Variants in ASB11 observed in about 807,000 individuals in gnomAD.
The protein encoded by ASB11 is ankyrin repeat and SOCS box containing 11, also known as ankyrin repeat and SOCS box protein 11.
A neutral mutation model predicts 20.1 loss-of-function variants in ASB11; 17 were observed. The ratio of observed to expected loss-of-function variants is 0.85; its 90% CI spans 0.58 to 1.27. The LOEUF is 1.27. Among genes scored for constraint, ASB11 ranks in the 50% most tolerant of loss-of-function variants. The pLI is 0.00. For missense variants in ASB11, 259 were observed against 256.9 expected, an observed-to-expected ratio of 1.01 and a Z score of -0.06; for synonymous variants, 107 against 105.6, an observed-to-expected ratio of 1.01 and a Z score of -0.08.
intron 6 of ASB11, among the ~76,000 whole-genome samples, chrX:15,287,616 C>T (rs1324234737): frequency 2.7e-5 from 3 of 112,860 alleles, no homozygotes; most frequent in East Asian, 2.8e-4. Flanking sequence ...TGAGCCACCA[C>T]GCCCAGCCGG....
At chrX:15,294,602 T>A (rs1406765121) in intron 3 of ASB11, among the ~76,000 whole-genome samples, 1 of 110,876 alleles carries the variant, frequency 9.0e-6, no homozygotes, top group Non-Finnish European at 1.9e-5. Flanking sequence ...AACTCCTGGG[T>A]TCAAATGACC....
At chrX:15,296,673 G>T (rs1437438600) in intron 3 of ASB11, among the ~76,000 whole-genome samples, 1 of 111,906 alleles carries the variant, frequency 8.9e-6, no homozygotes, top group Non-Finnish European at 1.9e-5. Context: ...TGATAATTTT[G>T]CTCAATAAAA....
At chrX:15,303,877 T>C (rs1921151521) in intron 1 of ASB11, among the ~76,000 whole-genome samples, 2 of 112,468 alleles carry the variant, frequency 1.8e-5, no homozygotes, top group South Asian at 7.2e-4. Flanking sequence ...GGAACAGCCT[T>C]AGAGCCGCCT....
chrX:15,315,482 T>G lies in ASB11; in HGVS notation c.124A>C (p.Lys42Gln). 5 of 1,172,403 alleles carry G rather than the reference T, an allele frequency of 4.3e-6. No homozygotes were observed. The highest frequency in any genetic ancestry group is 5.7e-6 in the Non-Finnish European group (5 of 879,417). ...CTAGCCGCTTCTTTTCTATTTCCTT[T>G]GACGATATAGAAATGGGTTAGGAGA... is the stretch of plus-strand genomic sequence containing the variant. Reference protein sequence around the residue: ...LALLTHFYIVKGNRKEAARIA... With the variant: ...LALLTHFYIVQGNRKEAARIA... Residue 42 changes from lysine (K) to glutamine (Q), a missense_variant, in exon 1 of 7, where the codon AAA becomes CAA. By Grantham distance (53) the Lys-to-Gln change is moderately conservative (BLOSUM62 1). Coordinates refer to ENST00000480796, the MANE Select transcript of ASB11 (RefSeq NM_080873.3).
chrX:15,308,510 G>C (rs1243356499), intron 1 of ASB11, among the ~76,000 whole-genome samples: 1 of 111,576 alleles, frequency 9.0e-6, no homozygotes, highest in Non-Finnish European at 1.9e-5. Context: ...TGAAATTCCA[G>C]GCTCCCCTCC....
At chrX:15,284,644 A>G (rs1927321589) in intron 6 of ASB11, among the ~76,000 whole-genome samples, 1 of 112,169 alleles carries the variant, frequency 8.9e-6, no homozygotes. Context: ...GGAGTCTCAC[A>G]GAATCATCAT....
rs775128998 is a variant in ASB11 at position 15,310,404 on chromosome X, G to A, written c.181+5021C>T. ...GGGCTGCAAACACATTATGAAGATA[G>A]TTTACTCTACAAATATGTTTGCTTA... On this transcript the variant is annotated intron_variant, in intron 1 of 6. Coordinates refer to ENST00000480796, the MANE Select transcript of ASB11 (RefSeq NM_080873.3). 3.0e-4 allele frequency among the ~76,000 whole-genome samples: 34 copies of A among 112,191 alleles called. No homozygotes were observed. In the South Asian group the frequency reaches 0.012, roughly 39 times the overall value.
At chrX:15,299,548 T>C (rs994240863) in intron 2 of ASB11, among the ~76,000 whole-genome samples, 7 of 111,280 alleles carry the variant, frequency 6.3e-5, no homozygotes, top group African/African-American at 2.3e-4. Flanking sequence ...ATGTTTCTTA[T>C]CAGACTTAAG....
At chrX:15,292,918 C>T (rs971167280) in intron 4 of ASB11, among the ~76,000 whole-genome samples, 1 of 111,965 alleles carries the variant, frequency 8.9e-6, no homozygotes, top group Non-Finnish European at 1.9e-5. Context: ...TGCCAATAGA[C>T]CATCCCCAGG....
rs1339928325 is a variant in ASB11, at chrX:15,289,408, G to A, written c.655+96C>T. The A allele has an allele frequency of 9.5e-6, 9 of 950,189 alleles. No homozygotes were observed. The East Asian group carries it at 1.0e-4, about 11-fold the overall frequency. The allele number at this position is 950,189 out of a possible 1,213,427, so 78.3% of individuals were successfully genotyped here. On this transcript the variant is annotated intron_variant, in intron 5 of 6. Transcript: ENST00000480796. ...AGCATTCAAACATAAAATGCTAACC[G>A]AATATTTTTCAACCATGACAAGAAC...
chrX:15,312,908 T>C (rs1921483509), intron 1 of ASB11, among the ~76,000 whole-genome samples: 1 of 111,721 alleles, frequency 9.0e-6, no homozygotes, highest in Non-Finnish European at 1.9e-5. Flanking sequence ...ATTGTTTAGG[T>C]GTATTGGCCT....
intron 2 of ASB11, among the ~76,000 whole-genome samples, chrX:15,298,526 T>A (rs764217510): frequency 9.0e-6 from 1 of 111,381 alleles, no homozygotes; most frequent in East Asian, 2.8e-4. Context: ...GGAGCACCTA[T>A]GAAGTCTGCT....
chrX:15,293,384 T>A, intron 3 of ASB11, 64 bp from the exon 4 acceptor site: 2 of 1,123,606 alleles, frequency 1.8e-6, no homozygotes, highest in Non-Finnish European at 2.4e-6. Context: ...TCCAAGTATG[T>A]CTTCCTATGT....
intron 1 of ASB11, chrX:15,314,329 C>CTTTT (rs201659261): frequency 2.0e-5 from 19 of 962,457 alleles, no homozygotes; most frequent in African/African-American, 1.3e-4. Flanking sequence ...AGAAGCATTA[C>CTTTT]TTTTTTTTTT....
chrX:15,283,496 C>A lies in ASB11; in HGVS notation c.*9G>T. ...GTCATTCCAAGTATCTTCCCAGGAA[C>A]ACTTAGGACTATTGGTATAGGAGGA... On this transcript the variant is annotated 3_prime_UTR_variant, in exon 7 of 7. Transcript: ENST00000480796. 2 of 1,210,302 alleles carry A rather than the reference C, an allele frequency of 1.7e-6. No homozygotes were observed. Among genetic ancestry groups the A allele is most frequent in the Non-Finnish European group, 2.2e-6 (2 of 894,524 alleles).
At chrX:15,293,951 C>G (rs1920949970) in intron 3 of ASB11, among the ~76,000 whole-genome samples, 1 of 109,390 alleles carries the variant, frequency 9.1e-6, no homozygotes, top group Admixed American at 9.8e-5. Flanking sequence ...GTGCAGCACA[C>G]CAACATGGCA....
In ASB11 at chrX:15,293,117, C is replaced by T. The variant is rs1040736851; in HGVS notation, c.520+53G>A. 3.4e-5 allele frequency: 40 copies of T among 1,173,276 alleles called. No homozygotes were observed. In the African/African-American group the frequency reaches 5.7e-4, roughly 17 times the overall value. On this transcript the variant is annotated intron_variant, in intron 4 of 6. Transcript: ENST00000480796. Reference sequence around the variant, plus strand: ...ACTAACACTAGACCATTGATTCATACAGATTGGAGTGAGCCCATCAATGTT... The same window carrying T: ...ACTAACACTAGACCATTGATTCATATAGATTGGAGTGAGCCCATCAATGTT...
intron 6 of ASB11, among the ~76,000 whole-genome samples, chrX:15,284,209 G>C (rs758176882): frequency 9.0e-5 from 9 of 99,973 alleles, no homozygotes; most frequent in East Asian, 3.1e-4. Flanking sequence ...CCGAGATCGG[G>C]CCACTGCACT....
At chrX:15,285,428 C>G (rs186523095) in intron 6 of ASB11, among the ~76,000 whole-genome samples, 2,164 of 109,844 alleles carry the variant, frequency 0.02, 26 homozygotes, top group Non-Finnish European at 0.033. Flanking sequence ...TGTGAGCCAC[C>G]GCGCCCAGCC....
Sources: gnomAD v4.1 joint callset for allele counts (sites outside exome capture counted in the v4.1 genomes callset) on GRCh38, gnomAD v4.1.1 for gene constraint, MANE v1.5 for transcripts, NCBI Gene and HGNC (gene_info 2026-07-23, HGNC 2026-07-21) for gene names.